The following TAX1BP1 variants were observed in gnomAD, a reference collection of about 807,000 sequenced individuals.
The protein encoded by TAX1BP1 is Tax1 binding protein 1, also known as tax1-binding protein 1.
In TAX1BP1, 62 loss-of-function variants were observed where a neutral mutation model predicts 97.7. The ratio of observed to expected loss-of-function variants is 0.63; its 90% CI spans 0.52 to 0.78. The LOEUF (loss-of-function observed/expected upper bound fraction) is 0.78, where lower values mean the gene tolerates loss of function less well. Ranked by LOEUF, TAX1BP1 falls within the 30% of genes least tolerant of loss-of-function variation. The pLI is 0.00. For synonymous variants in TAX1BP1, 340 were observed against 304.2 expected (o/e 1.12, Z -1.23); for missense variants, 867 against 916.1 (o/e 0.95, Z 0.69).
intron 13 of TAX1BP1, chr7:27,803,141 T>G (rs1790202190): frequency 7.8e-6 from 12 of 1,547,978 alleles, no homozygotes; most frequent in Non-Finnish European, 7.9e-6. Flanking sequence ...AAGAAATAAG[T>G]GGTCTGATTT....
intron 13 of TAX1BP1, among the ~76,000 whole-genome samples, chr7:27,815,775 C>T (rs1790743852): frequency 1.3e-5 from 2 of 152,070 alleles, no homozygotes; most frequent in South Asian, 4.1e-4. Flanking sequence ...GTGGCTCATG[C>T]CTGTAATCCC....
At chr7:27,803,545 G>T (rs999205961) in intron 13 of TAX1BP1, among the ~76,000 whole-genome samples, 1 of 152,130 alleles carries the variant, frequency 6.6e-6, no homozygotes, top group African/African-American at 2.4e-5. Context: ...AACATTATTT[G>T]ATTTTCTCCC....
chr7:27,760,999 CA>C (rs1788406810), intron 3 of TAX1BP1, among the ~76,000 whole-genome samples: 1 of 150,652 alleles, frequency 6.6e-6, no homozygotes. Flanking sequence ...GCATGGCAGA[CA>C]GTTTTCAGCA....
In TAX1BP1 at chr7:27,796,169, G is replaced by T; in HGVS notation, c.1588G>T (p.Glu530Ter). ...GGGGCAAGTCTGTGAAATGACCAAA[G>T]AAATTGCTGACAAAACAGAAAAGTA... ...TKGQVCEMTK[E>*]IADKTEKYNK... is the part of the protein sequence containing the mutation. The change falls in exon 12 of 17, where the codon GAA (glutamate) becomes TAA (stop). Residue 530 changes from glutamate (E) to a stop codon, truncating the protein, a stop_gained. Coordinates refer to ENST00000396319, the MANE Select transcript of TAX1BP1 (RefSeq NM_006024.7). LOFTEE classifies it high-confidence loss of function. 6.3e-7 allele frequency: 1 copy of T among 1,598,008 alleles called. No individual in the cohort carries two copies. The highest frequency in any genetic ancestry group is 8.5e-7 in the Non-Finnish European group (1 of 1,175,686).
intron 8 of TAX1BP1, among the ~76,000 whole-genome samples, chr7:27,790,029 G>A (rs766632724): frequency 1.7e-4 from 26 of 151,894 alleles, no homozygotes; most frequent in Non-Finnish European, 3.5e-4. Context: ...TGAGGTGATG[G>A]TTATAAAAAA....
chr7:27,796,190 A>C lies in TAX1BP1; in HGVS notation c.1609A>C (p.Lys537Gln). Residue 537 changes from lysine (K) to glutamine (Q), a missense_variant, in exon 12 of 17, where the codon AAG (lysine) becomes CAG (glutamine). Around this residue, in one of 3 missense-constraint regions of TAX1BP1, gnomAD observed 822 missense variants for 851.4 expected, o/e 0.97. Transcript: ENST00000396319. ...MTKEIADKTE[K>Q]YNKCKQLLQD... The stretch of plus-strand genomic sequence containing the variant: ...CAAAGAAATTGCTGACAAAACAGAA[A>C]AGTATAATAAATGTAAACAACTCTT... The C allele has an allele frequency of 6.3e-7, 1 of 1,590,668 alleles. No individual in the cohort carries two copies. Among genetic ancestry groups the C allele is most frequent in the Non-Finnish European group, 8.5e-7 (1 of 1,173,770 alleles).
intron 1 of TAX1BP1, among the ~76,000 whole-genome samples, chr7:27,745,070 T>C (rs1787768576): frequency 6.6e-6 from 1 of 152,230 alleles, no homozygotes; most frequent in South Asian, 2.1e-4. Flanking sequence ...GGACGTTTCA[T>C]ACTTATCCTT....
intron 5 of TAX1BP1, among the ~76,000 whole-genome samples, chr7:27,779,852 A>G (rs1789185870): frequency 6.6e-6 from 1 of 152,230 alleles, no homozygotes; most frequent in Non-Finnish European, 1.5e-5. Flanking sequence ...TTCGTGATAG[A>G]AACTTGGTCA....
rs770664051 is a variant in TAX1BP1, at chr7:27,828,862, A to AG, written c.*34dup. The AG allele has an allele frequency of 8.5e-7, 1 of 1,176,436 alleles. No individual in the cohort carries two copies. Among genetic ancestry groups the AG allele is most frequent in the Non-Finnish European group, 1.2e-6 (1 of 846,768 alleles). 72.9% of individuals were successfully genotyped at this position (1,176,436 alleles called of 1,614,324 possible). ...TTATTATGAGTTAATATAGTTTAGC[A>AG]GTAAAAAAAAAAAAAAAAACCACAC... On this transcript the variant is annotated 3_prime_UTR_variant, in exon 17 of 17. Transcript: ENST00000396319.
At chr7:27,790,023 G>C (rs570502842) in intron 8 of TAX1BP1, among the ~76,000 whole-genome samples, 1 of 151,968 alleles carries the variant, frequency 6.6e-6, no homozygotes, top group Non-Finnish European at 1.5e-5. Context: ...GTAGTTTGAG[G>C]TGATGGTTAT....
intron 5 of TAX1BP1, chr7:27,771,802 G>T (rs1421866965): frequency 3.3e-5 from 5 of 151,986 alleles, no homozygotes; most frequent in Admixed American, 1.3e-4. Context: ...ACTTGAAAGT[G>T]ATTTTTTAAA....
chr7:27,786,401 G>A (rs992634494), intron 7 of TAX1BP1, among the ~76,000 whole-genome samples: 10 of 152,190 alleles, frequency 6.6e-5, no homozygotes, highest in Non-Finnish European at 1.3e-4. Context: ...GATTACAGGC[G>A]TGAGCCGCCG....
chr7:27,795,696 G>T (rs1395914510), intron 11 of TAX1BP1, among the ~76,000 whole-genome samples: 1 of 152,024 alleles, frequency 6.6e-6, no homozygotes, highest in Non-Finnish European at 1.5e-5. Flanking sequence ...GGGACTACAG[G>T]TGTGTGTCAC....
At chr7:27,751,963 G>A (rs1229464550) in intron 2 of TAX1BP1, among the ~76,000 whole-genome samples, 10 of 152,020 alleles carry the variant, frequency 6.6e-5, no homozygotes, top group Admixed American at 5.9e-4. Flanking sequence ...ACAGATACCA[G>A]TTTTAGAAGA....
At position 27,796,194 on chromosome 7, in the gene TAX1BP1, A is replaced by G. The variant is rs755823071; in HGVS notation, c.1613A>G (p.Tyr538Cys). Reference protein sequence around the residue: ...TKEIADKTEKYNKCKQLLQDE... With the variant: ...TKEIADKTEKCNKCKQLLQDE... ...GAAATTGCTGACAAAACAGAAAAGT[A>G]TAATAAATGTAAACAACTCTTGCAG... The change falls in exon 12 of 17, where the codon TAT becomes TGT. Residue 538 changes from tyrosine (Y) to cysteine (C), a missense_variant. Tyr to Cys is a radical substitution (Grantham distance 194). Around this residue, in one of 3 missense-constraint regions of TAX1BP1, gnomAD observed 822 missense variants for 851.4 expected, o/e 0.97. Transcript: ENST00000396319. 5.7e-6 allele frequency: 9 copies of G among 1,589,836 alleles called. No individual in the cohort carries two copies. The highest frequency in any genetic ancestry group is 2.3e-5 in the East Asian group (1 of 44,330).
chr7:27,798,320 A>T (rs1790010868), intron 12 of TAX1BP1, among the ~76,000 whole-genome samples: 2 of 151,828 alleles, frequency 1.3e-5, no homozygotes, highest in East Asian at 3.9e-4. Context: ...TCTTTTGGGT[A>T]AATATCTAGG....
intron 13 of TAX1BP1, among the ~76,000 whole-genome samples, chr7:27,805,009 TGG>T (rs1790282346): frequency 6.6e-6 from 1 of 152,226 alleles, no homozygotes; most frequent in Non-Finnish European, 1.5e-5. Flanking sequence ...TTTCTGGTGT[TGG>T]GGTGGTACCT....
chr7:27,762,769 C>T (rs527310845), intron 3 of TAX1BP1, among the ~76,000 whole-genome samples: 1 of 151,942 alleles, frequency 6.6e-6, no homozygotes, highest in African/African-American at 2.4e-5. Context: ...GGCAATTTGG[C>T]AAAACTTCAT....
At chr7:27,824,549 C>T (rs1268902599) in intron 15 of TAX1BP1, among the ~76,000 whole-genome samples, 1 of 91,632 alleles carries the variant, frequency 1.1e-5, no homozygotes, top group African/African-American at 4.3e-5. Flanking sequence ...GACCTTGTCT[C>T]AAAAAAAAAA....
Sources: allele counts gnomAD v4.1 joint callset (sites outside exome capture counted in the v4.1 genomes callset), GRCh38; gene constraint gnomAD v4.1.1; regional missense constraint gnomAD v4.1.1; transcripts MANE v1.5; gene names NCBI Gene and HGNC (gene_info 2026-07-23, HGNC 2026-07-21).